RFX3: variants seen among roughly 807,000 people sequenced by gnomAD.
RFX3 encodes regulatory factor X3, also known as transcription factor RFX3.
In RFX3, 14 loss-of-function variants were observed where a neutral mutation model predicts 98.6. The ratio of observed to expected loss-of-function variants is 0.14; its 90% CI spans 0.09 to 0.22. The LOEUF (loss-of-function observed/expected upper bound fraction) is 0.22. RFX3 is among the 10% of genes least tolerant of loss of function. The pLI is 1.00. For missense variants in RFX3, 639 were observed against 926.9 expected, an observed-to-expected ratio of 0.69 and a Z score of 4.03; for synonymous variants, 383 against 328.4, an observed-to-expected ratio of 1.17 and a Z score of -1.80.
At chr9:3,324,945 CAG>C (rs1230818793) in intron 4 of RFX3, among the ~76,000 whole-genome samples, 1 of 151,920 alleles carries the variant, frequency 6.6e-6, no homozygotes, top group Admixed American at 6.6e-5. Flanking sequence ...GCCTGGGTGG[CAG>C]AGTGAGACTC....
intron 2 of RFX3, among the ~76,000 whole-genome samples, chr9:3,362,875 G>T (rs2131407482): frequency 6.6e-6 from 1 of 152,278 alleles, no homozygotes; most frequent in African/African-American, 2.4e-5. Flanking sequence ...GGCGAGAGGG[G>T]GAGTGTGTCT....
At chr9:3,459,688 G>T (rs544008166) in intron 1 of RFX3, among the ~76,000 whole-genome samples, 256 of 151,750 alleles carry the variant, frequency 1.7e-3, no homozygotes, top group Middle Eastern at 3.4e-3. Context: ...TTTTTGTTCT[G>T]TGCTTCAGTA....
chr9:3,311,131 T>C (rs556266435), intron 4 of RFX3, among the ~76,000 whole-genome samples: 4 of 152,342 alleles, frequency 2.6e-5, no homozygotes, highest in Non-Finnish European at 1.5e-5. Context: ...CTCAGAGACA[T>C]AGCATTTCTG....
intron 15 of RFX3, among the ~76,000 whole-genome samples, chr9:3,242,286 G>T (rs942084628): frequency 1.3e-5 from 2 of 152,132 alleles, no homozygotes; most frequent in African/African-American, 4.8e-5. Context: ...CACAAGGCCT[G>T]CCCTCAATTG....
chr9:3,274,574 G>T (rs769664147), intron 9 of RFX3, among the ~76,000 whole-genome samples: 12 of 152,058 alleles, frequency 7.9e-5, no homozygotes, highest in Non-Finnish European at 1.3e-4. Flanking sequence ...AGTAGGGCTA[G>T]AAAACACCAA....
Position 3,493,004 on chromosome 9 carries a change from A to G in RFX3, c.-9+32743T>C, listed in dbSNP as rs550471804. 3.3e-5 allele frequency among the ~76,000 whole-genome samples: 5 copies of G among 152,218 alleles called. No homozygotes were observed. The South Asian group carries it at 6.2e-4, about 19-fold the overall frequency. ...GTTGCCCAGCCTGAATCTTCATTAT[A>G]ACTCATCAAATAATAACAATATTAT... On this transcript the variant is annotated intron_variant, in intron 1 of 16. Coordinates refer to ENST00000617270, the MANE Select transcript of RFX3 (RefSeq NM_001282116.2).
At chr9:3,447,613 T>A (rs1261433699) in intron 1 of RFX3, among the ~76,000 whole-genome samples, 1 of 152,196 alleles carries the variant, frequency 6.6e-6, no homozygotes, top group Non-Finnish European at 1.5e-5. Flanking sequence ...GTAACCGACT[T>A]CTTAACTTAT....
chr9:3,394,521 A>G (rs780266994), intron 2 of RFX3, among the ~76,000 whole-genome samples: 9 of 152,212 alleles, frequency 5.9e-5, no homozygotes, highest in South Asian at 2.1e-4. Context: ...TTATCCTAAA[A>G]GCCAATGACT....
chr9:3,351,965 C>T (rs1402530700), intron 2 of RFX3, among the ~76,000 whole-genome samples: 1 of 150,882 alleles, frequency 6.6e-6, no homozygotes, highest in East Asian at 1.9e-4. Context: ...AGTTGCTGTA[C>T]AAAAAAATTT....
chr9:3,511,017 T>A (rs1817618116), intron 1 of RFX3, among the ~76,000 whole-genome samples: 2 of 152,136 alleles, frequency 1.3e-5, no homozygotes, highest in Non-Finnish European at 2.9e-5. Flanking sequence ...TACTACTCAG[T>A]TTGTCTAGTG....
intron 13 of RFX3, among the ~76,000 whole-genome samples, chr9:3,258,938 G>T (rs1822501890): frequency 6.6e-6 from 1 of 151,384 alleles, no homozygotes; most frequent in South Asian, 2.1e-4. Flanking sequence ...AAATAAAAGA[G>T]GATCATATTA....
At chr9:3,454,513 G>A (rs528578841) in intron 1 of RFX3, among the ~76,000 whole-genome samples, 1 of 152,306 alleles carries the variant, frequency 6.6e-6, no homozygotes, top group East Asian at 1.9e-4. Context: ...CAAGCTACTT[G>A]GTTGCCACTA....
intron 4 of RFX3, among the ~76,000 whole-genome samples, chr9:3,325,104 A>G (rs112641442): frequency 4.6e-4 from 70 of 152,348 alleles, no homozygotes; most frequent in African/African-American, 1.6e-3. Flanking sequence ...TTAAGAATGT[A>G]TAACTAATTC....
At chr9:3,512,995 A>G (rs1369563215) in intron 1 of RFX3, among the ~76,000 whole-genome samples, 1 of 152,090 alleles carries the variant, frequency 6.6e-6, no homozygotes, top group Non-Finnish European at 1.5e-5. Flanking sequence ...CACATAGCTG[A>G]GAATATGCAA....
At chr9:3,231,997 C>T (rs1818519228) in intron 15 of RFX3, among the ~76,000 whole-genome samples, 1 of 151,976 alleles carries the variant, frequency 6.6e-6, no homozygotes, top group Non-Finnish European at 1.5e-5. Context: ...CGTGCCACTG[C>T]ACTCCAGCCT....
chr9:3,326,335 CTTTTA>C (rs1009102742), intron 4 of RFX3, among the ~76,000 whole-genome samples: 2 of 151,954 alleles, frequency 1.3e-5, no homozygotes, highest in Non-Finnish European at 2.9e-5. Flanking sequence ...ACTTTATAAA[CTTTTA>C]TTTTAAGTTC....
intron 1 of RFX3, among the ~76,000 whole-genome samples, chr9:3,449,270 A>G (rs1396094536): frequency 6.6e-6 from 1 of 152,152 alleles, no homozygotes; most frequent in Non-Finnish European, 1.5e-5. Context: ...AGGTCTCAAC[A>G]TTTCAAAATT....
In RFX3 at chr9:3,347,612, T is replaced by A. The variant is rs137891235; in HGVS notation, c.118-848A>T. Among the ~76,000 whole-genome samples the A allele has an allele frequency of 2.5e-4, 38 of 152,090 alleles. 1 individual carries two copies. The East Asian group carries it at 7.0e-3, about 28-fold the overall frequency. On this transcript the variant is annotated intron_variant, in intron 2 of 16. Coordinates refer to ENST00000617270, the MANE Select transcript of RFX3 (RefSeq NM_001282116.2). ...GTGAAGGCAGCTGGATCACCTGAGG[T>A]CAGGAGTTCAAGACCAGTCTCCTGA...
intron 4 of RFX3, among the ~76,000 whole-genome samples, chr9:3,329,504 A>C (rs1047559252): frequency 6.6e-6 from 1 of 151,970 alleles, no homozygotes; most frequent in African/African-American, 2.4e-5. Flanking sequence ...TGCTCCTAAG[A>C]TACTGTTTGC....
Sources: allele counts gnomAD v4.1 joint callset (sites outside exome capture counted in the v4.1 genomes callset), GRCh38; gene constraint gnomAD v4.1.1; transcripts MANE v1.5; gene names NCBI Gene and HGNC (gene_info 2026-07-23, HGNC 2026-07-21).